Variants in CEP112 observed in about 807,000 individuals in gnomAD.
CEP112 encodes the protein centrosomal protein of 112 kDa.
In CEP112, 127 loss-of-function variants were observed where a neutral mutation model predicts 153.0. The ratio of observed to expected loss-of-function variants is 0.83; its 90% CI spans 0.72 to 0.96. CEP112 has a LOEUF of 0.96. CEP112 is among the 40% of genes least tolerant of loss of function. CEP112 has a pLI of 0.00. For missense variants in CEP112, 1,089 were observed against 1,101.2 expected (o/e 0.99, Z 0.16); for synonymous variants, 358 against 374.4 (o/e 0.96, Z 0.51).
At chr17:65,971,415 A>ACATATATTGGATGCATGTGATGTAT (rs2062794710) in intron 17 of CEP112, among the ~76,000 whole-genome samples, 2 of 151,416 alleles carry the variant, frequency 1.3e-5, no homozygotes, top group African/African-American at 4.9e-5. Flanking sequence ...GCACCCATGC[A>ACATATATTGGATGCATGTGATGTAT]GCATGCTGCA....
intron 23 of CEP112, among the ~76,000 whole-genome samples, chr17:65,704,147 A>G (rs189135038): frequency 6.6e-6 from 1 of 152,162 alleles, no homozygotes; most frequent in African/African-American, 2.4e-5. Flanking sequence ...GATGGGAGTG[A>G]TCATCTAGAA....
intron 24 of CEP112, among the ~76,000 whole-genome samples, chr17:65,677,012 C>T (rs2047269905): frequency 6.6e-6 from 1 of 152,152 alleles, no homozygotes; most frequent in Admixed American, 6.5e-5. Flanking sequence ...GTGCCCTTCC[C>T]AACATGGCTG....
intron 21 of CEP112, among the ~76,000 whole-genome samples, chr17:65,848,662 C>T (rs1045760603): frequency 8.5e-5 from 13 of 152,176 alleles, no homozygotes; most frequent in African/African-American, 3.1e-4. Flanking sequence ...ATCCTGCCTG[C>T]TCTTGGGATA....
At chr17:65,669,286 T>G (rs1274936806) in intron 24 of CEP112, among the ~76,000 whole-genome samples, 2 of 152,190 alleles carry the variant, frequency 1.3e-5, no homozygotes, top group African/African-American at 4.8e-5. Context: ...AAAACTAGAT[T>G]TGGTGGCAAG....
At chr17:66,166,279 A>G (rs2071953484) in intron 4 of CEP112, among the ~76,000 whole-genome samples, 1 of 152,198 alleles carries the variant, frequency 6.6e-6, no homozygotes, top group Non-Finnish European at 1.5e-5. Context: ...CTTCCATTGT[A>G]AAGCAGTGTT....
intron 20 of CEP112, among the ~76,000 whole-genome samples, chr17:65,897,908 T>G (rs1238768253): frequency 2.6e-5 from 4 of 152,056 alleles, no homozygotes; most frequent in Admixed American, 6.6e-5. Context: ...AACTGAGAAC[T>G]AGAAAAAAAA....
intron 20 of CEP112, chr17:65,873,564 G>C (rs1248805856): frequency 2.0e-5 from 3 of 152,052 alleles, no homozygotes; most frequent in Non-Finnish European, 4.4e-5. Context: ...GAGATTACTA[G>C]ATTTATTCTA....
intron 10 of CEP112, among the ~76,000 whole-genome samples, chr17:66,064,873 A>G (rs537297254): frequency 6.6e-6 from 1 of 152,346 alleles, no homozygotes; most frequent in African/African-American, 2.4e-5. Context: ...GAAAAAACCT[A>G]AACGAATTTA....
intron 23 of CEP112, among the ~76,000 whole-genome samples, chr17:65,736,886 G>T (rs2145082176): frequency 6.6e-6 from 1 of 152,260 alleles, no homozygotes; most frequent in South Asian, 2.1e-4. Context: ...TGACTGTACA[G>T]ACATCTAGAG....
chr17:66,188,286 A>ACAC (rs2073017066), intron 1 of CEP112, among the ~76,000 whole-genome samples: 51 of 109,500 alleles, frequency 4.7e-4, no homozygotes, highest in African/African-American at 8.4e-4. Context: ...CACACACACA[A>ACAC]ACACACACAC....
chr17:65,848,719 A>G (rs1333876778), intron 21 of CEP112, among the ~76,000 whole-genome samples: 1 of 152,118 alleles, frequency 6.6e-6, no homozygotes, highest in Non-Finnish European at 1.5e-5. Flanking sequence ...GTGTCACTTC[A>G]AACTCCACAT....
At position 66,005,732 on chromosome 17, in the gene CEP112, T is replaced by C; in HGVS notation, c.1694A>G (p.Glu565Gly). 1 of 1,609,954 alleles carries C rather than the reference T, an allele frequency of 6.2e-7. No individual in the cohort carries two copies. Residue 565 changes from glutamate to glycine, a missense_variant, in exon 17 of 27, where the codon GAA (glutamate) becomes GGA (glycine). Physicochemically the swap from Glu to Gly is moderately conservative, Grantham distance 98. Transcript: ENST00000535342. ...TTTATGAATTTTCTTTTGAGTATCT[T>C]CTTTTCCTTTATCAAGTTCACTCTG... is the stretch of plus-strand genomic sequence containing the variant. ...DLQSELDKGK[E>G]DTQKKIHKFE...
rs2051222957 is a variant in CEP112, at chr17:65,743,058, T to C, written c.2607+10A>G. 3.1e-6 allele frequency: 5 copies of C among 1,599,510 alleles called. No individual in the cohort carries two copies. Among genetic ancestry groups the C allele is most frequent in the Non-Finnish European group, 4.3e-6 (5 of 1,173,696 alleles). ...GCTGGTACCACTGGTTACTGAAGTCTTCAGATTACCTTGATTGCTTGGTCA... is the reference window on the plus strand; with the variant it reads ...GCTGGTACCACTGGTTACTGAAGTCCTCAGATTACCTTGATTGCTTGGTCA... On this transcript the variant is annotated intron_variant, in intron 23 of 26. Coordinates refer to ENST00000535342, the MANE Select transcript of CEP112 (RefSeq NM_001199165.4).
chr17:65,651,451 A>G (rs556403801), intron 24 of CEP112, among the ~76,000 whole-genome samples: 1 of 152,254 alleles, frequency 6.6e-6, no homozygotes, highest in Admixed American at 6.5e-5. Flanking sequence ...CTGGGTAGAT[A>G]CCCAGTAGTG....
Position 65,651,362 on chromosome 17 carries a change from G to A in CEP112, c.2698-10297C>T, listed in dbSNP as rs769931780. ...TGATGGACATCTGGGTTGGTTCCAC[G>A]TTTATGCACCCCTTGTGAATTGTGC... is the stretch of plus-strand genomic sequence containing the variant. On this transcript the variant is annotated intron_variant, in intron 24 of 26. Coordinates refer to ENST00000535342, the MANE Select transcript of CEP112 (RefSeq NM_001199165.4). Among the ~76,000 whole-genome samples the A allele has an allele frequency of 7.9e-5, 12 of 152,226 alleles. 1 individual carries two copies. The South Asian group carries it at 1.0e-3, about 13-fold the overall frequency.
At chr17:65,852,306 T>C (rs2057972566) in intron 20 of CEP112, among the ~76,000 whole-genome samples, 1 of 57,126 alleles carries the variant, frequency 1.8e-5, no homozygotes, top group Non-Finnish European at 3.3e-5. Flanking sequence ...TTCCCTTCCC[T>C]TCCCTTCCCT....
chr17:65,705,788 A>G (rs988728144), intron 23 of CEP112, among the ~76,000 whole-genome samples: 2 of 152,358 alleles, frequency 1.3e-5, no homozygotes, highest in Admixed American at 1.3e-4. Flanking sequence ...GATTCAGACA[A>G]ATCAACTGTA....
chr17:66,111,183 C>A (rs1329177861), intron 6 of CEP112, among the ~76,000 whole-genome samples: 1 of 152,098 alleles, frequency 6.6e-6, no homozygotes. Flanking sequence ...GTCAGAATGG[C>A]TACTATAAAC....
chr17:65,857,252 G>GCAAAA (rs1419097675), intron 20 of CEP112, among the ~76,000 whole-genome samples: 1 of 152,132 alleles, frequency 6.6e-6, no homozygotes, highest in Non-Finnish European at 1.5e-5. Context: ...AAAGCCTAAA[G>GCAAAA]CAAAACAAAA....
Sources: gnomAD v4.1 joint callset for allele counts (sites outside exome capture counted in the v4.1 genomes callset) on GRCh38, gnomAD v4.1.1 for gene constraint, MANE v1.5 for transcripts, NCBI Gene and HGNC (gene_info 2026-07-23, HGNC 2026-07-21) for gene names.